ARHGAP15: variants seen among roughly 807,000 people sequenced by gnomAD.
The protein encoded by ARHGAP15 is rho GTPase-activating protein 15.
In ARHGAP15, 51 loss-of-function variants were observed where a neutral mutation model predicts 63.7. The observed-to-expected ratio is 0.80, with a 90% CI of 0.64 to 1.01. ARHGAP15 has a LOEUF of 1.01. ARHGAP15 is among the 50% of genes least tolerant of loss of function. ARHGAP15 has a pLI of 0.00. For synonymous variants in ARHGAP15, 191 were observed against 193.8 expected (o/e 0.99, Z 0.12); for missense variants, 560 against 564.6 (o/e 0.99, Z 0.08).
chr2:143,246,868 G>C (rs118025746), intron 5 of ARHGAP15, among the ~76,000 whole-genome samples: 1,739 of 152,252 alleles, frequency 0.011, 39 homozygotes, highest in South Asian at 0.1. Flanking sequence ...CTGAAGTGGA[G>C]ACAAGGTGAA....
chr2:143,682,009 T>G (rs1683120695), intron 12 of ARHGAP15, among the ~76,000 whole-genome samples: 1 of 152,184 alleles, frequency 6.6e-6, no homozygotes, highest in Admixed American at 6.5e-5. Context: ...ACCCATGTGA[T>G]AGGTATCTTC....
At chr2:143,140,831 A>G (rs1689331194) in intron 1 of ARHGAP15, among the ~76,000 whole-genome samples, 1 of 152,182 alleles carries the variant, frequency 6.6e-6, no homozygotes, top group Non-Finnish European at 1.5e-5. Flanking sequence ...AGCAGAGGGG[A>G]ACCCACGTGC....
chr2:143,285,820 T>G (rs1682068074), intron 6 of ARHGAP15, among the ~76,000 whole-genome samples: 1 of 152,206 alleles, frequency 6.6e-6, no homozygotes, highest in Non-Finnish European at 1.5e-5. Context: ...TTCTTGCCAG[T>G]CCTAATAAAA....
intron 5 of ARHGAP15, among the ~76,000 whole-genome samples, chr2:143,239,575 T>C (rs1223029849): frequency 6.6e-6 from 1 of 152,222 alleles, no homozygotes; most frequent in Non-Finnish European, 1.5e-5. Flanking sequence ...CTATTAACTT[T>C]TCCAAACCAC....
At chr2:143,379,487 A>ATGTGTGTG (rs58976215) in intron 6 of ARHGAP15, among the ~76,000 whole-genome samples, 6,668 of 129,566 alleles carry the variant, frequency 0.051, 231 homozygotes, top group Middle Eastern at 0.1. Flanking sequence ...AGGCATATAT[A>ATGTGTGTG]TGTGTGTGTG....
rs557272611 is a variant in ARHGAP15, at chr2:143,390,714, A to C, written c.475-44887A>C. ...CCCCACCGTGGATATTTCCAAGTAC[A>C]CCCTTGGAAAACACATGCACACACA... is the stretch of plus-strand genomic sequence containing the variant. On this transcript the variant is annotated intron_variant, in intron 6 of 13. Transcript: ENST00000295095. Among the ~76,000 whole-genome samples, 139 of 138,876 alleles carry C rather than the reference A, an allele frequency of 1.0e-3. 1 individual carries two copies. The highest frequency in any genetic ancestry group is 2.9e-3 in the African/African-American group (108 of 36,772). 91.1% of individuals were successfully genotyped at this position (138,876 alleles called of 152,430 possible).
At chr2:143,397,028 G>C (rs1487978166) in intron 6 of ARHGAP15, among the ~76,000 whole-genome samples, 2 of 149,836 alleles carry the variant, frequency 1.3e-5, no homozygotes, top group Non-Finnish European at 2.9e-5. Flanking sequence ...TTTGAAAATA[G>C]AGTTCTCCTC....
intron 12 of ARHGAP15, among the ~76,000 whole-genome samples, chr2:143,689,406 T>A (rs1211816113): frequency 6.6e-6 from 1 of 152,166 alleles, no homozygotes; most frequent in East Asian, 1.9e-4. Flanking sequence ...TAGCAGTTAC[T>A]GTAAGAGTTC....
intron 2 of ARHGAP15, 50 bp from the exon 3 acceptor site, chr2:143,202,084 C>T (rs764044960): frequency 4.9e-6 from 7 of 1,439,566 alleles, no homozygotes; most frequent in South Asian, 1.1e-5. Context: ...TCTTACTAAA[C>T]TCTATCAAGA....
chr2:143,693,102 C>G (rs1325595668), intron 12 of ARHGAP15, among the ~76,000 whole-genome samples: 1 of 151,972 alleles, frequency 6.6e-6, no homozygotes, highest in East Asian at 1.9e-4. Flanking sequence ...TCATTCATAT[C>G]CCCCCAGCTG....
chr2:143,316,928 C>CA (rs1683746313), intron 6 of ARHGAP15, among the ~76,000 whole-genome samples: 2 of 152,236 alleles, frequency 1.3e-5, no homozygotes, highest in African/African-American at 4.8e-5. Flanking sequence ...TGTTCCCATT[C>CA]AAAATTGAAC....
intron 10 of ARHGAP15, among the ~76,000 whole-genome samples, chr2:143,536,098 T>C (rs1189236527): frequency 6.6e-6 from 1 of 152,262 alleles, no homozygotes; most frequent in East Asian, 1.9e-4. Flanking sequence ...ATATATGTCA[T>C]CATTAACTGT....
chr2:143,330,513 G>A (rs1684503580), intron 6 of ARHGAP15, among the ~76,000 whole-genome samples: 2 of 152,120 alleles, frequency 1.3e-5, no homozygotes, highest in Non-Finnish European at 2.9e-5. Flanking sequence ...TCACTTTACA[G>A]ATGAATAAAA....
At chr2:143,132,076 G>A (rs1429657943) in intron 1 of ARHGAP15, among the ~76,000 whole-genome samples, 1 of 151,842 alleles carries the variant, frequency 6.6e-6, no homozygotes, top group East Asian at 1.9e-4. Flanking sequence ...AACATAATTA[G>A]TTTTTAATAG....
At chr2:143,660,727 G>T (rs540259732) in intron 12 of ARHGAP15, among the ~76,000 whole-genome samples, 109 of 152,264 alleles carry the variant, frequency 7.2e-4, no homozygotes, top group African/African-American at 2.2e-3. Flanking sequence ...CTTACCATAC[G>T]TTTCCTTGAG....
intron 13 of ARHGAP15, among the ~76,000 whole-genome samples, chr2:143,758,616 A>G (rs1686660736): frequency 1.3e-5 from 2 of 152,192 alleles, no homozygotes; most frequent in Admixed American, 1.3e-4. Context: ...AATTCAAAGA[A>G]TCCTAAGTTC....
At chr2:143,584,403 A>G (rs1697025779) in intron 11 of ARHGAP15, among the ~76,000 whole-genome samples, 1 of 152,188 alleles carries the variant, frequency 6.6e-6, no homozygotes, top group Non-Finnish European at 1.5e-5. Flanking sequence ...AGGTGGGTGG[A>G]TCACTTGAGG....
intron 12 of ARHGAP15, among the ~76,000 whole-genome samples, chr2:143,694,915 A>G (rs927078373): frequency 1.3e-5 from 2 of 152,226 alleles, no homozygotes; most frequent in Non-Finnish European, 2.9e-5. Context: ...TAATTGTGAT[A>G]TAGATCCTAG....
At chr2:143,697,654 G>A (rs1371144452) in intron 12 of ARHGAP15, among the ~76,000 whole-genome samples, 10 of 152,094 alleles carry the variant, frequency 6.6e-5, no homozygotes. Context: ...TGCCCCCAGA[G>A]CATCTCCTCT....
Sources: gnomAD v4.1 joint callset for allele counts (sites outside exome capture counted in the v4.1 genomes callset) on GRCh38, gnomAD v4.1.1 for gene constraint, MANE v1.5 for transcripts, NCBI Gene and HGNC (gene_info 2026-07-23, HGNC 2026-07-21) for gene names.